The following CEP72 variants were observed in gnomAD, a reference collection of about 807,000 sequenced individuals.
CEP72 encodes the protein centrosomal protein 72.
In CEP72, 78 loss-of-function variants were observed where a neutral mutation model predicts 65.7. The ratio of observed to expected loss-of-function variants is 1.19; its 90% CI spans 0.99 to 1.43. The LOEUF (loss-of-function observed/expected upper bound fraction) is 1.43. Among genes scored for constraint, CEP72 ranks in the 40% most tolerant of loss-of-function variants. The probability of loss-of-function intolerance (pLI) is 0.00; values close to 1 mark genes in which losing one functional copy is unlikely to be tolerated. For missense variants in CEP72, 914 were observed against 832.9 expected (o/e 1.10, Z -1.20); for synonymous variants, 358 against 351.7 (o/e 1.02, Z -0.20).
chr5:643,362 C>G, intron 9 of CEP72: 1 of 985,436 alleles, frequency 1.0e-6, no homozygotes, highest in Admixed American at 6.1e-5. Context: ...GGCGCCACTG[C>G]AGCAGACACC....
At chr5:634,357 CGGAGA>C (rs1561043847) in intron 5 of CEP72, among the ~76,000 whole-genome samples, 6 of 152,212 alleles carry the variant, frequency 3.9e-5, no homozygotes, top group Non-Finnish European at 7.4e-5. Context: ...AAGGGTGTCT[CGGAGA>C]CTCCGTTGCC....
downstream of CEP72, among the ~76,000 whole-genome samples, chr5:658,446 C>T (rs1739442121): frequency 6.6e-6 from 1 of 152,230 alleles, no homozygotes; most frequent in Admixed American, 6.5e-5. Flanking sequence ...TCAGCCCATT[C>T]TTGGCCATTC....
intron 2 of CEP72, among the ~76,000 whole-genome samples, chr5:619,728 C>T (rs1736255832): frequency 6.6e-6 from 1 of 152,162 alleles, no homozygotes; most frequent in Non-Finnish European, 1.5e-5. Flanking sequence ...GCTTTCTCAT[C>T]TGTGAAGGGG....
At chr5:637,974 A>C (rs1171765559) in intron 7 of CEP72, among the ~76,000 whole-genome samples, 156 bp downstream of exon 7, 4 of 150,954 alleles carry the variant, frequency 2.6e-5, no homozygotes, top group Non-Finnish European at 5.9e-5. Flanking sequence ...CGCCTACGGC[A>C]CTGACCGTGT....
downstream of CEP72, among the ~76,000 whole-genome samples, chr5:670,859 A>C (rs1240517279): frequency 6.6e-6 from 1 of 152,186 alleles, no homozygotes; most frequent in Non-Finnish European, 1.5e-5. Flanking sequence ...CTCCACCAGC[A>C]GCTGAGCACC....
intron 9 of CEP72, chr5:644,092 C>A (rs1238827324): frequency 9.1e-6 from 5 of 549,230 alleles, no homozygotes; most frequent in South Asian, 2.1e-5. Context: ...CTCCTCACTT[C>A]CCCCCTCCCC....
intron 1 of CEP72, among the ~76,000 whole-genome samples, chr5:612,825 C>T (rs1735759871): frequency 6.6e-6 from 1 of 152,218 alleles, no homozygotes; most frequent in Admixed American, 6.5e-5. Flanking sequence ...TGCGCTCGGC[C>T]TTCTTGAGGA....
chr5:672,106 G>T (rs952250308), downstream of CEP72, among the ~76,000 whole-genome samples: 26 of 152,362 alleles, frequency 1.7e-4, no homozygotes, highest in African/African-American at 6.3e-4. Context: ...CCTGGGAGGT[G>T]GTTGGGTTGG....
At chr5:614,604 G>A (rs999175768) in intron 1 of CEP72, among the ~76,000 whole-genome samples, 6 of 151,564 alleles carry the variant, frequency 4.0e-5, no homozygotes, top group African/African-American at 1.5e-4. Flanking sequence ...CTCATGATCC[G>A]CCCACCTCGG....
chr5:641,468 C>T, intron 9 of CEP72: 1 of 985,466 alleles, frequency 1.0e-6, no homozygotes, highest in Non-Finnish European at 1.2e-6. Flanking sequence ...TACATACTGT[C>T]CGTTTCATGG....
intron 6 of CEP72, 121 bp downstream of exon 6, chr5:635,705 A>T: frequency 1.3e-6 from 1 of 787,876 alleles, no homozygotes. Context: ...GTCCAAGAGC[A>T]CGGTGCCGGC....
intron 5 of CEP72, 142 bp downstream of exon 5, chr5:634,089 C>T: frequency 4.2e-6 from 3 of 711,116 alleles, no homozygotes; most frequent in Non-Finnish European, 6.8e-6. Context: ...TCTTTGTGTG[C>T]TTTCGAATGC....
chr5:624,382 G>A lies in CEP72; in HGVS notation c.404-89G>A, dbSNP rs1466827349. The A allele has an allele frequency of 1.1e-6, 1 of 870,078 alleles. No homozygotes were observed. Among genetic ancestry groups the A allele is most frequent in the African/African-American group, 1.6e-5 (1 of 60,784 alleles). The allele number at this position is 870,078 out of a possible 1,614,324, so 53.9% of individuals were successfully genotyped here. ...GGAGCAGGGCTGGCCCCGAGGGGAT[G>A]GACACCCTGCCCCGTGTAGATGCCC... On this transcript the variant is annotated intron_variant, in intron 3 of 11. Coordinates refer to ENST00000264935, the MANE Select transcript of CEP72 (RefSeq NM_018140.4). This position sits in a 1 kb window ranked among gnomAD's most constrained non-coding sequence, Gnocchi z 4.7.
rs754243480 is a variant in CEP72 at position 635,434 on chromosome 5, G to A, written c.754G>A (p.Gly252Ser). 26 of 1,614,056 alleles carry A rather than the reference G, an allele frequency of 1.6e-5. No homozygotes were observed. Among genetic ancestry groups the A allele is most frequent in the Non-Finnish European group, 2.0e-5 (24 of 1,180,016 alleles). The change falls in exon 6 of 12, where the codon GGC (glycine) becomes AGC (serine). Residue 252 changes from glycine (G) to serine (S), a missense_variant. Coordinates refer to ENST00000264935, the MANE Select transcript of CEP72 (RefSeq NM_018140.4). ...QYQCGDSGKQ[G>S]RETRRSSCRG... is the part of the protein sequence containing the mutation. ...CCAGTGTGGGGACTCTGGGAAGCAG[G>A]GCCGTGAGACGAGGAGGAGCAGCTG... is the stretch of plus-strand genomic sequence containing the variant.
intron 9 of CEP72, chr5:643,621 C>G (rs1479987254): frequency 1.0e-6 from 1 of 985,230 alleles, no homozygotes; most frequent in Non-Finnish European, 1.2e-6. Flanking sequence ...CTGCTCAGCA[C>G]CCCCGGCCCC....
chr5:643,131 G>C lies in CEP72; in HGVS notation c.1540-1168G>C, dbSNP rs913953954. 1.6e-5 allele frequency: 16 copies of C among 972,228 alleles called. No homozygotes were observed. In the Admixed American group the frequency reaches 6.1e-4, roughly 37 times the overall value. The allele number at this position is 972,228 out of a possible 1,614,324, so 60.2% of individuals were successfully genotyped here. ...TTGGGAGGTAGAGGCAGGAGGCTCA[G>C]GAGTTGGGGGCTGCAGTGAGCTGTG... On this transcript the variant is annotated intron_variant, in intron 9 of 11. Transcript: ENST00000264935.
At chr5:674,489 G>A in the CEP72 span, among the ~76,000 whole-genome samples, 1 of 152,090 alleles carries the variant, frequency 6.6e-6, no homozygotes, top group Non-Finnish European at 1.5e-5. Flanking sequence ...CCCTCTCCCG[G>A]TCCGAGTGCC....
In CEP72 at chr5:620,161, C is replaced by A; in HGVS notation, c.303C>A (p.Thr101=). Residue 101 remains threonine, a synonymous_variant, in exon 3 of 12, where the codon ACC becomes ACA. Transcript: ENST00000264935. ...LAEVFRLHAL[T]ELVDVDFRLN... ...AAGTGTTTCGGCTCCACGCCTTAAC[C>A]GAGCTCGTGGATGTGGACTTCCGGC... is the stretch of plus-strand genomic sequence containing the variant. 4 of 1,614,104 alleles carry A rather than the reference C, an allele frequency of 2.5e-6. No individual in the cohort carries two copies. The highest frequency in any genetic ancestry group is 3.4e-6 in the Non-Finnish European group (4 of 1,179,968).
At position 645,102 on chromosome 5, in the gene CEP72, T is replaced by C. The variant is rs1738326372; in HGVS notation, c.1666+677T>C. ...CTGAGATTGACAAGTCGAGCATCTCTTCCTGGTCTAGCCTCTCAGGGGCTC... is the reference window on the plus strand; with the variant it reads ...CTGAGATTGACAAGTCGAGCATCTCCTCCTGGTCTAGCCTCTCAGGGGCTC... On this transcript the variant is annotated intron_variant, in intron 10 of 11. Transcript: ENST00000264935. This position sits in a 1 kb window ranked among gnomAD's most constrained non-coding sequence, Gnocchi z 4.0. Among the ~76,000 whole-genome samples, 1 of 152,180 alleles carries C rather than the reference T, an allele frequency of 6.6e-6. No homozygotes were observed. Among genetic ancestry groups the C allele is most frequent in the South Asian group, 2.1e-4 (1 of 4,826 alleles).
Sources: allele counts gnomAD v4.1 joint callset (sites outside exome capture counted in the v4.1 genomes callset), GRCh38; gene constraint gnomAD v4.1.1; non-coding constraint Gnocchi (gnomAD v3.1); transcripts MANE v1.5; gene names NCBI Gene and HGNC (gene_info 2026-07-23, HGNC 2026-07-21).